Variants in RAB27B observed in about 807,000 individuals in gnomAD.
RAB27B encodes the protein RAB27B, member RAS oncogene family.
In RAB27B, 15 loss-of-function variants were observed where a neutral mutation model predicts 24.6. That is an observed-to-expected ratio of 0.61 (90% CI 0.41 to 0.94). The LOEUF is 0.94. RAB27B is among the 40% of genes least tolerant of loss of function. RAB27B has a pLI of 0.00. For synonymous variants in RAB27B, 105 were observed against 92.5 expected, an observed-to-expected ratio of 1.14 and a Z score of -0.78; for missense variants, 261 against 266.8, an observed-to-expected ratio of 0.98 and a Z score of 0.15.
chr18:54,833,218 C>A (rs374869079), intron 1 of RAB27B, among the ~76,000 whole-genome samples: 3 of 112,368 alleles, frequency 2.7e-5, no homozygotes, highest in Non-Finnish European at 3.8e-5. Flanking sequence ...TCTTTCTTTT[C>A]TTTTTTTCTT....
chr18:54,884,585 T>C lies in RAB27B; in HGVS notation c.343+149T>C, dbSNP rs1476901916. ...TGTTGCCTGTGCCACTGTGTCACCT[T>C]CAAAGTGGTGGCCTTTATGTGGACC... On this transcript the variant is annotated intron_variant, in intron 4 of 5. Coordinates refer to ENST00000262094, the MANE Select transcript of RAB27B (RefSeq NM_004163.4). 1.1e-5 allele frequency: 6 copies of C among 560,580 alleles called. No homozygotes were observed. In the Admixed American group the frequency reaches 1.9e-4, roughly 18 times the overall value. The allele number at this position is 560,580 out of a possible 1,614,324, so 34.7% of individuals were successfully genotyped here.
rs1913308345 is a variant in RAB27B at position 54,890,074 on chromosome 18, A to G, written c.*661A>G. The G allele has an allele frequency of 6.6e-6, 1 of 152,098 alleles. No individual in the cohort carries two copies. Among genetic ancestry groups the G allele is most frequent in the South Asian group, 2.1e-4 (1 of 4,828 alleles). 9.4% of individuals were successfully genotyped at this position (152,098 alleles called of 1,614,324 possible). On this transcript the variant is annotated 3_prime_UTR_variant, in exon 6 of 6. Transcript: ENST00000262094. ...TAAATAGCACTTTGACAAGAACAGG[A>G]CTGTAAATGATGAAGTACAAGACAA... is the stretch of plus-strand genomic sequence containing the variant.
chr18:54,729,832 A>T (rs1909672347), intron 2 of RAB27B, among the ~76,000 whole-genome samples: 1 of 152,168 alleles, frequency 6.6e-6, no homozygotes, highest in African/African-American at 2.4e-5. Flanking sequence ...GCTTCTTATA[A>T]GAGATACCCT....
intron 2 of RAB27B, among the ~76,000 whole-genome samples, chr18:54,735,194 T>C (rs1909851391): frequency 6.6e-6 from 1 of 152,188 alleles, no homozygotes; most frequent in Admixed American, 6.5e-5. Flanking sequence ...GACTAGAAAC[T>C]TTCATTAATA....
At chr18:54,805,090 C>T (rs1909749474) in intron 2 of RAB27B, among the ~76,000 whole-genome samples, 2 of 151,720 alleles carry the variant, frequency 1.3e-5, no homozygotes, top group Admixed American at 1.3e-4. Flanking sequence ...TCTCCTTAAT[C>T]CAAGGGCACT....
chr18:54,804,757 T>C (rs1192072016), intron 2 of RAB27B, among the ~76,000 whole-genome samples: 8 of 152,192 alleles, frequency 5.3e-5, no homozygotes, highest in Non-Finnish European at 1.2e-4. Flanking sequence ...CAAACTTGAA[T>C]GGGAAATGGG....
In RAB27B at chr18:54,718,419, G is replaced by A. The variant is rs144374842; in HGVS notation, c.-20+278G>A. 5.3e-4 allele frequency among the ~76,000 whole-genome samples: 80 copies of A among 152,284 alleles called. 1 individual carries two copies. The East Asian group carries it at 0.015, about 29-fold the overall frequency. ...GAGATTTTGCTCAGGGCTGCAGACT[G>A]CGTGCATGGATTCTGCTTTCTGTTT... On this transcript the variant is annotated intron_variant, in intron 2 of 4. Coordinates refer to the RAB27B transcript ENST00000586570.
intron 2 of RAB27B, among the ~76,000 whole-genome samples, chr18:54,785,262 TG>T (rs1185734065): frequency 9.5e-5 from 1 of 10,576 alleles, no homozygotes; most frequent in Non-Finnish European, 1.9e-3. Flanking sequence ...TCAGCATGTC[TG>T]GCTTTTTTTT....
intron 2 of RAB27B, among the ~76,000 whole-genome samples, chr18:54,769,386 A>G (rs1323447356): frequency 6.6e-6 from 1 of 152,004 alleles, no homozygotes; most frequent in African/African-American, 2.4e-5. Flanking sequence ...TTTTTAAAGT[A>G]TATTTCTTCA....
At chr18:54,837,279 G>A (rs1910932872) in intron 1 of RAB27B, among the ~76,000 whole-genome samples, 1 of 152,064 alleles carries the variant, frequency 6.6e-6, no homozygotes, top group African/African-American at 2.4e-5. Flanking sequence ...TGTAAAGTTG[G>A]AGAAGATAAG....
chr18:54,754,389 A>G, intron 2 of RAB27B, among the ~76,000 whole-genome samples: 1 of 152,214 alleles, frequency 6.6e-6, no homozygotes, highest in Non-Finnish European at 1.5e-5. Flanking sequence ...TAGTATCTTT[A>G]TAGCGGTGTG....
intron 2 of RAB27B, among the ~76,000 whole-genome samples, chr18:54,778,805 C>G (rs1174656879): frequency 6.6e-6 from 1 of 151,756 alleles, no homozygotes; most frequent in African/African-American, 2.4e-5. Context: ...TTCTACTAAC[C>G]TAGAATCTCT....
At chr18:54,728,172 G>A (rs922677281) in intron 2 of RAB27B, among the ~76,000 whole-genome samples, 1 of 152,148 alleles carries the variant, frequency 6.6e-6, no homozygotes, top group Non-Finnish European at 1.5e-5. Flanking sequence ...CACCAAAAAA[G>A]CTCCAGAAAA....
intron 2 of RAB27B, among the ~76,000 whole-genome samples, chr18:54,802,624 A>C (rs912615610): frequency 6.6e-6 from 1 of 152,150 alleles, no homozygotes; most frequent in African/African-American, 2.4e-5. Context: ...TGCTAGAGAT[A>C]TTTTCTTATT....
At chr18:54,856,989 G>A (rs1444050701) in intron 1 of RAB27B, among the ~76,000 whole-genome samples, 1 of 152,124 alleles carries the variant, frequency 6.6e-6, no homozygotes, top group Non-Finnish European at 1.5e-5. Context: ...TACTGTACAT[G>A]CATTTCCATT....
At chr18:54,746,296 A>G (rs1910245642) in intron 2 of RAB27B, among the ~76,000 whole-genome samples, 1 of 152,196 alleles carries the variant, frequency 6.6e-6, no homozygotes, top group Non-Finnish European at 1.5e-5. Flanking sequence ...CGGTCGGATG[A>G]GACAAAAATC....
At chr18:54,804,904 CTCTTTCTTTCTTTCTT>C (rs777177556) in intron 2 of RAB27B, among the ~76,000 whole-genome samples, 2 of 47,972 alleles carry the variant, frequency 4.2e-5, no homozygotes, top group African/African-American at 1.0e-4. Context: ...CTTTCTCTCT[CTCTTTCTTTCTTTCTT>C]TCTTTCTTTC....
intron 1 of RAB27B, among the ~76,000 whole-genome samples, chr18:54,859,883 A>T (rs1439486277): frequency 6.6e-6 from 1 of 152,208 alleles, no homozygotes; most frequent in Non-Finnish European, 1.5e-5. Flanking sequence ...CCAGTAGGGG[A>T]TGAAGTGGCT....
intron 2 of RAB27B, among the ~76,000 whole-genome samples, chr18:54,730,889 C>G (rs1909709379): frequency 6.6e-6 from 1 of 152,192 alleles, no homozygotes; most frequent in African/African-American, 2.4e-5. Flanking sequence ...TACTAACACA[C>G]TACATGAGTT....
Sources: gnomAD v4.1 joint callset for allele counts (sites outside exome capture counted in the v4.1 genomes callset) on GRCh38, gnomAD v4.1.1 for gene constraint, MANE v1.5 for transcripts, NCBI Gene and HGNC (gene_info 2026-07-23, HGNC 2026-07-21) for gene names.